Variants in GANC observed in about 807,000 individuals in gnomAD.
GANC encodes glucosidase alpha, neutral C.
Under a neutral mutation model 124.2 loss-of-function variants are expected in GANC, and 117 were observed. The ratio of observed to expected loss-of-function variants is 0.94; its 90% CI spans 0.81 to 1.10. The LOEUF (loss-of-function observed/expected upper bound fraction) is 1.10, where lower values mean the gene tolerates loss of function less well. GANC is among the 50% of genes least tolerant of loss of function. GANC has a pLI of 0.00. For missense variants in GANC, 1,140 were observed against 1,095.0 expected, an observed-to-expected ratio of 1.04 and a Z score of -0.58; for synonymous variants, 377 against 376.8, an observed-to-expected ratio of 1.00 and a Z score of -0.01.
chr15:42,348,362 C>CT (rs2052386192), intron 21 of GANC, 146 bp downstream of exon 21: 1 of 612,172 alleles, frequency 1.6e-6, no homozygotes, highest in Admixed American at 3.4e-5. Flanking sequence ...CATTGTTCAG[C>CT]TTGTCTGCCT....
At chr15:42,288,677 A>AT (rs563362751) in intron 4 of GANC, among the ~76,000 whole-genome samples, 7 of 152,112 alleles carry the variant, frequency 4.6e-5, no homozygotes, top group Admixed American at 4.6e-4. Context: ...AGTAAACATA[A>AT]TTTTTTTTAA....
chr15:42,347,611 T>A (rs2052377081), intron 20 of GANC, among the ~76,000 whole-genome samples: 1 of 152,160 alleles, frequency 6.6e-6, no homozygotes, highest in Admixed American at 6.6e-5. Flanking sequence ...CAGGCTGCAG[T>A]GAGTGAGGAC....
At chr15:42,274,587 T>A in intron 1 of GANC, 77 bp downstream of exon 1, 1 of 1,355,132 alleles carries the variant, frequency 7.4e-7, no homozygotes, top group Non-Finnish European at 1.0e-6. Context: ...TTGCATTTCT[T>A]ATTTGCGTAT....
chr15:42,323,530 T>C (rs1258085558), intron 11 of GANC, among the ~76,000 whole-genome samples: 1 of 151,276 alleles, frequency 6.6e-6, no homozygotes, highest in Non-Finnish European at 1.5e-5. Flanking sequence ...GGGGACAGAG[T>C]CTCACTCTGT....
At chr15:42,295,651 CA>C (rs2051883957) in intron 5 of GANC, among the ~76,000 whole-genome samples, 1 of 138,124 alleles carries the variant, frequency 7.2e-6, no homozygotes, top group Non-Finnish European at 1.6e-5. Flanking sequence ...CACACACACA[CA>C]CACACACACA....
chr15:42,283,438 A>G (rs1033156752), intron 3 of GANC, among the ~76,000 whole-genome samples: 2 of 151,990 alleles, frequency 1.3e-5, no homozygotes, highest in African/African-American at 4.8e-5. Context: ...GGATTGAGAA[A>G]GAGAGATCTA....
At chr15:42,330,541 C>T (rs2052234183) in intron 14 of GANC, 35 bp from the exon 15 acceptor site, 1 of 1,492,912 alleles carries the variant, frequency 6.7e-7, no homozygotes, top group East Asian at 2.3e-5. Context: ...CAAATCCAAT[C>T]ATCTCTTTGA....
Position 42,329,335 on chromosome 15 carries a change from T to G in GANC, c.1530T>G (p.Asn510Lys), listed in dbSNP as rs1339545093. 2 of 1,613,928 alleles carry G rather than the reference T, an allele frequency of 1.2e-6. No individual in the cohort carries two copies. The highest frequency in any genetic ancestry group is 1.7e-6 in the Non-Finnish European group (2 of 1,179,890). The change falls in exon 14 of 24, where the codon AAT becomes AAG. Residue 510 changes from asparagine (N) to lysine (K), a missense_variant. By Grantham distance (94) the Asn-to-Lys change is moderately conservative. Transcript: ENST00000318010. ...QGSTDILFLWNDMNEPSVFRG... is the reference protein window; with the variant it reads ...QGSTDILFLWKDMNEPSVFRG... ...CTACGGACATCCTCTTCCTTTGGAA[T>G]GACATGAATGAGCCTTCTGTCTTTA...
intron 10 of GANC, among the ~76,000 whole-genome samples, chr15:42,317,065 A>G (rs537790214): frequency 1.3e-5 from 2 of 152,194 alleles, no homozygotes; most frequent in Non-Finnish European, 2.9e-5. Flanking sequence ...TATTCTAACT[A>G]TTTTCTTTAT....
intron 5 of GANC, among the ~76,000 whole-genome samples, chr15:42,293,528 C>CTTTTTTTTTTTTTTTTTTTTTT (rs1566951280): frequency 1.2e-4 from 18 of 151,910 alleles, no homozygotes; most frequent in African/African-American, 4.4e-4. Context: ...CAACTCATTT[C>CTTTTTTTTTTTTTTTTTTTTTT]TGTTTTAAAA....
At chr15:42,308,368 A>G in intron 8 of GANC, 50 bp downstream of exon 8, 1 of 1,235,656 alleles carries the variant, frequency 8.1e-7, no homozygotes, top group Non-Finnish European at 1.2e-6. Flanking sequence ...TTGTATTGAG[A>G]TGATCTGAAA....
intron 3 of GANC, among the ~76,000 whole-genome samples, chr15:42,286,686 G>A (rs2051792551): frequency 6.6e-6 from 1 of 152,170 alleles, no homozygotes. Flanking sequence ...TTGCTTCCCT[G>A]TTTTCGCAAG....
In GANC at chr15:42,349,418, C is replaced by T; in HGVS notation, c.2454C>T (p.Gly818=). ...TGGGTGAGTTATATCTTGATGATGG[C>T]CATTCATTCCAATACCTCCACCAGA... is the stretch of plus-strand genomic sequence containing the variant. ...SSVGELYLDD[G]HSFQYLHQKQ... The change falls in exon 22 of 24, where the codon GGC becomes GGT. Residue 818 remains glycine, a synonymous_variant. Coordinates refer to ENST00000318010, the MANE Select transcript of GANC (RefSeq NM_198141.3). 6.2e-7 allele frequency: 1 copy of T among 1,613,190 alleles called. No individual in the cohort carries two copies. Among genetic ancestry groups the T allele is most frequent in the Middle Eastern group, 1.7e-4 (1 of 6,056 alleles).
At chr15:42,292,243 A>C (rs959760403) in intron 4 of GANC, among the ~76,000 whole-genome samples, 2 of 152,124 alleles carry the variant, frequency 1.3e-5, no homozygotes, top group African/African-American at 4.8e-5. Flanking sequence ...TTATTTCCTC[A>C]GTTTCTGAGT....
intron 6 of GANC, among the ~76,000 whole-genome samples, chr15:42,304,950 A>G (rs953718442): frequency 6.6e-6 from 1 of 152,234 alleles, no homozygotes; most frequent in African/African-American, 2.4e-5. Context: ...ACCTTATACA[A>G]AAATTAACTC....
intron 8 of GANC, among the ~76,000 whole-genome samples, chr15:42,309,380 C>T (rs985784332): frequency 1.1e-4 from 16 of 151,474 alleles, no homozygotes; most frequent in South Asian, 2.1e-4. Context: ...AGTGCGGTGG[C>T]GTGATCTCGG....
intron 11 of GANC, among the ~76,000 whole-genome samples, chr15:42,324,345 G>T (rs1312122272): frequency 1.1e-4 from 16 of 152,072 alleles, no homozygotes; most frequent in Admixed American, 1.0e-3. Flanking sequence ...AATGCAAAAT[G>T]GTACAGCTGT....
chr15:42,352,094 G>C lies in GANC; in HGVS notation c.2700G>C (p.Lys900Asn). 1 of 1,614,170 alleles carries C rather than the reference G, an allele frequency of 6.2e-7. No individual in the cohort carries two copies. Among genetic ancestry groups the C allele is most frequent in the Non-Finnish European group, 8.5e-7 (1 of 1,180,010 alleles). The change falls in exon 24 of 24, where the codon AAG (lysine) becomes AAC (asparagine). Residue 900 changes from lysine to asparagine, a missense_variant. By Grantham distance (94) the Lys-to-Asn change is moderately conservative. Transcript: ENST00000318010. Reference sequence around the variant, plus strand: ...AAACATCCATCCTGAGCCTGGAGAAGCTCTCACTCAACATTGCCACTGACT... The same window carrying C: ...AAACATCCATCCTGAGCCTGGAGAACCTCTCACTCAACATTGCCACTGACT... ...CAKTSILSLE[K>N]LSLNIATDWE...
intron 6 of GANC, among the ~76,000 whole-genome samples, chr15:42,301,149 A>G (rs1049306712): frequency 2.0e-5 from 3 of 152,188 alleles, no homozygotes; most frequent in Non-Finnish European, 2.9e-5. Context: ...TGAATTTCCA[A>G]CTGAAGTGCC....
Sources: gnomAD v4.1 joint callset for allele counts (sites outside exome capture counted in the v4.1 genomes callset) on GRCh38, gnomAD v4.1.1 for gene constraint, MANE v1.5 for transcripts, NCBI Gene and HGNC (gene_info 2026-07-23, HGNC 2026-07-21) for gene names.